The following SCCPDH variants were observed in gnomAD, a reference collection of about 807,000 sequenced individuals.
The protein encoded by SCCPDH is saccharopine dehydrogenase-like oxidoreductase.
A neutral mutation model predicts 51.5 loss-of-function variants in SCCPDH; 34 were observed. The ratio of observed to expected loss-of-function variants is 0.66; its 90% CI spans 0.50 to 0.88. The LOEUF is 0.88. SCCPDH is among the 40% of genes least tolerant of loss of function. SCCPDH has a pLI of 0.00. For missense variants in SCCPDH, 464 were observed against 527.1 expected, an observed-to-expected ratio of 0.88 and a Z score of 1.17; for synonymous variants, 187 against 191.3, an observed-to-expected ratio of 0.98 and a Z score of 0.19.
chr1:246,756,458 G>A (rs1668933891), intron 5 of SCCPDH, among the ~76,000 whole-genome samples: 1 of 152,220 alleles, frequency 6.6e-6, no homozygotes, highest in South Asian at 2.1e-4. Flanking sequence ...TAATAAAATT[G>A]TATTAGGTAC....
intron 9 of SCCPDH, 134 bp from the exon 10 acceptor site, chr1:246,764,112 G>A (rs934094701): frequency 3.6e-6 from 2 of 560,264 alleles, no homozygotes; most frequent in South Asian, 2.9e-5. Context: ...AAATGATGAC[G>A]GGATATTCTG....
chr1:246,728,984 G>A (rs995152905), intron 2 of SCCPDH, among the ~76,000 whole-genome samples: 1 of 152,198 alleles, frequency 6.6e-6, no homozygotes, highest in African/African-American at 2.4e-5. Context: ...TTACAGCTGG[G>A]CCTCTGGGGG....
chr1:246,737,916 T>C (rs1668622180), intron 3 of SCCPDH, among the ~76,000 whole-genome samples: 1 of 151,564 alleles, frequency 6.6e-6, no homozygotes. Flanking sequence ...TAATAAGGAG[T>C]TGGGCACGTT....
chr1:246,750,511 T>A (rs1405866324), intron 5 of SCCPDH, among the ~76,000 whole-genome samples: 1 of 152,164 alleles, frequency 6.6e-6, no homozygotes, highest in Non-Finnish European at 1.5e-5. Flanking sequence ...GTGGCTTTTT[T>A]AGAGTTTGGT....
At chr1:246,766,318 T>A (rs1196746909) in intron 11 of SCCPDH, among the ~76,000 whole-genome samples, 179 bp downstream of exon 11, 4 of 152,224 alleles carry the variant, frequency 2.6e-5, no homozygotes, top group Non-Finnish European at 5.9e-5. Flanking sequence ...AGCCCAGAGT[T>A]GGTCTCAGAG....
rs148673862 is a variant in SCCPDH at position 246,767,198 on chromosome 1, C to T, written c.1188C>T (p.Gly396=). ...LSDASHLPKA[G]GVFTPGAAFS... is the part of the protein sequence containing the mutation. ...TTCTCTTGTTATTGTTTTATAGGGGCGGGGTCTTCACACCTGGAGCAGCTT... is the reference window on the plus strand; with the variant it reads ...TTCTCTTGTTATTGTTTTATAGGGGTGGGGTCTTCACACCTGGAGCAGCTT... The change falls in exon 12 of 12, where the codon GGC becomes GGT. Residue 396 remains glycine, a synonymous_variant. Coordinates refer to ENST00000366510, the MANE Select transcript of SCCPDH (RefSeq NM_016002.3). 158 of 1,604,732 alleles carry T rather than the reference C, an allele frequency of 9.8e-5. No individual in the cohort carries two copies. The African/African-American group carries it at 1.2e-3, about 12-fold the overall frequency.
intron 2 of SCCPDH, among the ~76,000 whole-genome samples, chr1:246,730,484 C>T (rs3007320): frequency 0.98 from 149,062 of 152,252 alleles, 73,049 homozygotes; most frequent in East Asian, 1. Flanking sequence ...AAAGTGAAAA[C>T]GACTGAATGA....
intron 2 of SCCPDH, among the ~76,000 whole-genome samples, chr1:246,728,697 A>G (rs368083852): frequency 6.6e-6 from 1 of 151,822 alleles, no homozygotes; most frequent in African/African-American, 2.4e-5. Flanking sequence ...TTTTTTAACT[A>G]TGAAAATAGA....
At chr1:246,765,717 G>A (rs1305516001) in intron 10 of SCCPDH, among the ~76,000 whole-genome samples, 1 of 152,158 alleles carries the variant, frequency 6.6e-6, no homozygotes, top group Non-Finnish European at 1.5e-5. Flanking sequence ...TGGGTGGAGT[G>A]TGGACTCTGG....
intron 9 of SCCPDH, among the ~76,000 whole-genome samples, chr1:246,761,191 T>C (rs1391493211): frequency 3.3e-5 from 5 of 152,188 alleles, no homozygotes; most frequent in African/African-American, 1.2e-4. Flanking sequence ...ATCCCCCGCC[T>C]GTGCACTTAA....
In SCCPDH at chr1:246,734,364, G is replaced by A. The variant is rs548286272; in HGVS notation, c.304-1611G>A. ...CTATTTAAATATGTTTAAAATGTGT[G>A]TTTTATTCATTTGGTAGGCAATTTA... On this transcript the variant is annotated intron_variant, in intron 2 of 11. Transcript: ENST00000366510. Among the ~76,000 whole-genome samples the A allele has an allele frequency of 2.6e-5, 4 of 152,286 alleles. No homozygotes were observed. In the East Asian group the frequency reaches 7.7e-4, roughly 29 times the overall value.
intron 2 of SCCPDH, among the ~76,000 whole-genome samples, chr1:246,735,595 G>C (rs112838477): frequency 6.6e-6 from 1 of 152,266 alleles, no homozygotes; most frequent in East Asian, 1.9e-4. Flanking sequence ...GCAGTGGCAC[G>C]ATCTTGGCTC....
intron 5 of SCCPDH, among the ~76,000 whole-genome samples, chr1:246,749,919 T>C (rs1668826097): frequency 1.3e-5 from 2 of 152,062 alleles, no homozygotes; most frequent in Admixed American, 1.3e-4. Flanking sequence ...TGGTTTGGGG[T>C]GAACTTGACC....
intron 2 of SCCPDH, among the ~76,000 whole-genome samples, chr1:246,728,557 C>T (rs189069079): frequency 4.6e-5 from 7 of 152,200 alleles, no homozygotes; most frequent in South Asian, 2.1e-4. Context: ...TTAGCACCTC[C>T]GGCAGCTCTG....
chr1:246,761,129 A>G (rs1017481231), intron 9 of SCCPDH, among the ~76,000 whole-genome samples: 1 of 152,072 alleles, frequency 6.6e-6, no homozygotes, highest in Non-Finnish European at 1.5e-5. Context: ...TCATTGTTCC[A>G]TCCCGACCTT....
At chr1:246,751,652 C>G (rs1572302244) in intron 5 of SCCPDH, among the ~76,000 whole-genome samples, 1 of 152,170 alleles carries the variant, frequency 6.6e-6, no homozygotes, top group African/African-American at 2.4e-5. Context: ...TCACGACTTT[C>G]ACAGACGACC....
intron 4 of SCCPDH, among the ~76,000 whole-genome samples, chr1:246,740,543 G>A (rs554220581): frequency 6.6e-6 from 1 of 152,230 alleles, no homozygotes; most frequent in Admixed American, 6.5e-5. Context: ...TATAGTTTGG[G>A]CTGTAAAATT....
At chr1:246,733,173 A>C in intron 2 of SCCPDH, among the ~76,000 whole-genome samples, 1 of 151,922 alleles carries the variant, frequency 6.6e-6, no homozygotes, top group African/African-American at 2.4e-5. Context: ...TGCTGCCTCA[A>C]CCTCCTGGGC....
intron 5 of SCCPDH, among the ~76,000 whole-genome samples, chr1:246,747,937 A>G (rs1021584266): frequency 4.6e-5 from 7 of 152,234 alleles, no homozygotes; most frequent in African/African-American, 1.4e-4. Context: ...GGAGCGGAAC[A>G]TAACTGACAC....
Sources: allele counts gnomAD v4.1 joint callset (sites outside exome capture counted in the v4.1 genomes callset), GRCh38; gene constraint gnomAD v4.1.1; transcripts MANE v1.5; gene names NCBI Gene and HGNC (gene_info 2026-07-23, HGNC 2026-07-21).